The following TENM2 variants were observed in gnomAD, a reference collection of about 807,000 sequenced individuals.
TENM2 encodes the protein teneurin transmembrane protein 2, also known as teneurin-2.
Under a neutral mutation model 245.2 loss-of-function variants are expected in TENM2, and 52 were observed. The ratio of observed to expected loss-of-function variants is 0.21; its 90% CI spans 0.17 to 0.27. The LOEUF is 0.27. Among genes scored for constraint, TENM2 ranks in the 10% least tolerant of loss-of-function variants. The probability of loss-of-function intolerance (pLI) is 1.00; values close to 1 mark genes in which losing one functional copy is unlikely to be tolerated. For synonymous variants in TENM2, 1,363 were observed against 1,438.9 expected, an observed-to-expected ratio of 0.95 and a Z score of 1.19; for missense variants, 3,046 against 3,666.8, an observed-to-expected ratio of 0.83 and a Z score of 4.37.
At chr5:167,307,881 G>A (rs1259131241) in intron 1 of TENM2, 2 of 152,200 alleles carry the variant, frequency 1.3e-5, no homozygotes, top group Non-Finnish European at 1.5e-5. Context: ...GCTATCTTTT[G>A]TGGCTAGCTC....
chr5:166,984,330 C>T, the TENM2 span, among the ~76,000 whole-genome samples: 13 of 151,886 alleles, frequency 8.6e-5, no homozygotes, highest in African/African-American at 1.7e-4. Context: ...GATAATATAC[C>T]GATTCTAAAT....
intron 1 of TENM2, among the ~76,000 whole-genome samples, chr5:167,366,692 G>A (rs1760075482): frequency 6.6e-6 from 1 of 152,102 alleles, no homozygotes; most frequent in Admixed American, 6.5e-5. Context: ...CTATATAAAA[G>A]CATTTAGGAC....
rs774598137 is a variant in TENM2, at chr5:168,244,494, G to C, written c.5595G>C (p.Arg1865=). ...CTGAAAAGATCTATGATGACCACCGGAAGTTCACCCTGAGGATCATTTATG... is the reference window on the plus strand; with the variant it reads ...CTGAAAAGATCTATGATGACCACCGCAAGTTCACCCTGAGGATCATTTATG... Residue 1865 remains arginine (R), a synonymous_variant, in exon 26 of 29, where the codon CGG becomes CGC. Transcript: ENST00000518659. The surrounding 1 kb of genome is among the most constrained non-coding windows in gnomAD (Gnocchi z 4.9). 1.2e-6 allele frequency: 2 copies of C among 1,609,158 alleles called. No individual in the cohort carries two copies. Among genetic ancestry groups the C allele is most frequent in the Non-Finnish European group, 1.7e-6 (2 of 1,177,116 alleles).
chr5:167,876,282 G>A (rs1773419530), intron 3 of TENM2, 87 bp downstream of exon 5: 2 of 1,171,160 alleles, frequency 1.7e-6, no homozygotes, highest in Admixed American at 2.0e-5. Flanking sequence ...CTGAAACAAG[G>A]GCTGGGGGAA....
chr5:167,362,485 CA>C (rs1561894606), intron 1 of TENM2, among the ~76,000 whole-genome samples: 1 of 152,174 alleles, frequency 6.6e-6, no homozygotes, highest in Non-Finnish European at 1.5e-5. Context: ...CCATCCATCT[CA>C]CTAGATGTCA....
At chr5:168,202,157 C>G (rs1262300419) in intron 17 of TENM2, among the ~76,000 whole-genome samples, 2 of 152,138 alleles carry the variant, frequency 1.3e-5, no homozygotes, top group East Asian at 1.9e-4. Context: ...TTCTGTACTT[C>G]CTTCCTCATC....
rs1057240762 is a variant in TENM2 at position 168,247,494 on chromosome 5, G to T, written c.6555G>T (p.Val2185=). ...TGCAATATGACAGCATGGGCAGGGT[G>T]ATCAAGAGGGAGCTAAAACTGGGGC... The change falls in exon 27 of 29, where the codon GTG becomes GTT. Residue 2185 remains valine, a synonymous_variant. Coordinates refer to ENST00000518659, the Ensembl canonical transcript of TENM2. The surrounding 1 kb of genome is among the most constrained non-coding windows in gnomAD (Gnocchi z 7.8). 6.2e-7 allele frequency: 1 copy of T among 1,612,688 alleles called. No individual in the cohort carries two copies. The highest frequency in any genetic ancestry group is 8.5e-7 in the Non-Finnish European group (1 of 1,178,952).
At chr5:167,738,504 G>A (rs1182797151) in intron 2 of TENM2, among the ~76,000 whole-genome samples, 1 of 152,194 alleles carries the variant, frequency 6.6e-6, no homozygotes, top group Non-Finnish European at 1.5e-5. Context: ...CTGACACAAT[G>A]TGGATTCTTC....
intron 2 of TENM2, among the ~76,000 whole-genome samples, chr5:167,530,461 A>C (rs59529779): frequency 6.6e-6 from 1 of 152,130 alleles, no homozygotes. Context: ...TTAATCCTTG[A>C]GAAACTATGT....
intron 5 of TENM2, among the ~76,000 whole-genome samples, chr5:168,037,896 C>A (rs1787851493): frequency 6.6e-6 from 1 of 152,206 alleles, no homozygotes; most frequent in South Asian, 2.1e-4. Context: ...CTTTGAGGCC[C>A]ATCTTAACAG....
intron 2 of TENM2, among the ~76,000 whole-genome samples, chr5:167,712,265 G>A (rs1177584238): frequency 5.3e-5 from 8 of 152,148 alleles, no homozygotes; most frequent in Admixed American, 5.2e-4. Flanking sequence ...GTATTTTAGT[G>A]TATATTCCAT....
intron 2 of TENM2, among the ~76,000 whole-genome samples, chr5:167,549,024 C>G (rs972829856): frequency 2.0e-5 from 3 of 152,184 alleles, no homozygotes; most frequent in Non-Finnish European, 4.4e-5. Flanking sequence ...TCTCCTTTCT[C>G]TCTCCGTCCT....
At chr5:168,239,762 T>G (rs1427182607) in intron 25 of TENM2, among the ~76,000 whole-genome samples, 2 of 152,204 alleles carry the variant, frequency 1.3e-5, no homozygotes, top group Non-Finnish European at 2.9e-5. Flanking sequence ...TAGTATATTA[T>G]GCACACATAT....
chr5:167,452,032 A>T (rs1418430434), intron 2 of TENM2, among the ~76,000 whole-genome samples: 1 of 152,182 alleles, frequency 6.6e-6, no homozygotes, highest in East Asian at 1.9e-4. Context: ...TCTATAACTT[A>T]AAAAGAACTA....
the TENM2 span, among the ~76,000 whole-genome samples, chr5:167,240,363 C>T: frequency 6.6e-6 from 1 of 151,310 alleles, no homozygotes; most frequent in Non-Finnish European, 1.5e-5. Flanking sequence ...TGTTTGAGTC[C>T]CCCATTTCTT....
chr5:167,337,583 G>A (rs185311026), intron 1 of TENM2, among the ~76,000 whole-genome samples: 133 of 152,284 alleles, frequency 8.7e-4, no homozygotes, highest in African/African-American at 3.1e-3. Context: ...TGTTGGCCAA[G>A]GTTTTGCAGA....
chr5:167,163,678 C>G, the TENM2 span, among the ~76,000 whole-genome samples: 2 of 152,160 alleles, frequency 1.3e-5, no homozygotes, highest in Non-Finnish European at 2.9e-5. Flanking sequence ...ACGGTAACCA[C>G]AGGCTCTGCT....
chr5:167,128,912 A>T, the TENM2 span, among the ~76,000 whole-genome samples: 6 of 152,016 alleles, frequency 3.9e-5, no homozygotes, highest in Non-Finnish European at 2.9e-5. Context: ...TACACCCCAT[A>T]CCCTTTGTTC....
intron 2 of TENM2, among the ~76,000 whole-genome samples, chr5:167,502,924 G>A (rs1227397658): frequency 6.6e-6 from 1 of 152,118 alleles, no homozygotes; most frequent in Non-Finnish European, 1.5e-5. Flanking sequence ...CCGTCTCCTG[G>A]GTTCAAGCAA....
Sources: allele counts gnomAD v4.1 joint callset (sites outside exome capture counted in the v4.1 genomes callset), GRCh38; gene constraint gnomAD v4.1.1; non-coding constraint Gnocchi (gnomAD v3.1); transcripts MANE v1.5; gene names NCBI Gene and HGNC (gene_info 2026-07-23, HGNC 2026-07-21).